Variants in ITGAD observed in about 807,000 individuals in gnomAD.
ITGAD encodes the protein integrin subunit alpha D, also known as integrin alpha-D.
In ITGAD, 105 loss-of-function variants were observed where a neutral mutation model predicts 139.0. The observed-to-expected ratio is 0.76, with a 90% CI of 0.65 to 0.89. ITGAD has a LOEUF of 0.89. Among genes scored for constraint, ITGAD ranks in the 40% least tolerant of loss-of-function variants. The pLI is 0.00. For missense variants in ITGAD, 1,384 were observed against 1,487.3 expected (o/e 0.93, Z 1.14); for synonymous variants, 569 against 598.3 (o/e 0.95, Z 0.71).
At position 31,410,393 on chromosome 16, in the gene ITGAD, A is replaced by G. The variant is rs148871894; in HGVS notation, c.1084-2A>G. 5.7e-5 allele frequency: 92 copies of G among 1,613,820 alleles called. No homozygotes were observed. The African/African-American group carries it at 1.2e-3, about 20-fold the overall frequency. ...CCCAGCCCTGGAATTCTTTCCTCCC[A>G]GGATGGCCTCTTCCTGGGGGCTGTG... On this transcript the variant is annotated splice_acceptor_variant, in intron 10 of 29. Coordinates refer to ENST00000389202, the MANE Select transcript of ITGAD (RefSeq NM_005353.3). LOFTEE classifies it high-confidence loss of function.
At chr16:31,394,130 C>CAAAAAAAA (rs943198130) in intron 1 of ITGAD, 106 bp from the exon 2 acceptor site, 18 of 417,052 alleles carry the variant, frequency 4.3e-5, no homozygotes, top group African/African-American at 1.3e-4. Flanking sequence ...GACTCCATCT[C>CAAAAAAAA]AAAAAAAAAA....
chr16:31,394,483 C>T (rs528068433), intron 2 of ITGAD, 142 bp downstream of exon 2: 3 of 583,996 alleles, frequency 5.1e-6, no homozygotes, highest in Non-Finnish European at 9.2e-6. Context: ...GAGGCCCTGA[C>T]ATCAGCACCT....
Position 31,397,844 on chromosome 16 carries a change from A to G in ITGAD, c.362A>G (p.Lys121Arg). ...HRVCGENSYS[K>R]GSCLLLGSRW... Reference sequence around the variant, plus strand: ...GTCTGTGGGGAGAACTCATACTCAAAGGGTTCCTGCCTCCTGCTGGGCTCG... The same window carrying G: ...GTCTGTGGGGAGAACTCATACTCAAGGGGTTCCTGCCTCCTGCTGGGCTCG... The change falls in exon 5 of 30, where the codon AAG becomes AGG. Residue 121 changes from lysine to arginine, a missense_variant. Coordinates refer to ENST00000389202, the MANE Select transcript of ITGAD (RefSeq NM_005353.3). 1 of 1,613,728 alleles carries G rather than the reference A, an allele frequency of 6.2e-7. No individual in the cohort carries two copies. Among genetic ancestry groups the G allele is most frequent in the African/African-American group, 1.3e-5 (1 of 75,030 alleles).
intron 2 of ITGAD, 101 bp from the exon 3 acceptor site, chr16:31,397,258 G>A (rs932537258): frequency 1.3e-6 from 1 of 748,632 alleles, no homozygotes; most frequent in Non-Finnish European, 2.3e-6. Flanking sequence ...TTCCCCCACA[G>A]AGTCTCGCTT....
rs763627641 is a variant in ITGAD, at chr16:31,426,017, T to C, written c.3375T>C (p.Leu1125=). 2.2e-5 allele frequency: 36 copies of C among 1,609,786 alleles called. No individual in the cohort carries two copies. The highest frequency in any genetic ancestry group is 3.0e-5 in the Non-Finnish European group (35 of 1,176,214). The change falls in exon 30 of 30, where the codon CTT becomes CTC. Residue 1125 remains leucine, a splice_region_variant and synonymous_variant. Transcript: ENST00000389202. ...TTCTAATTTATTTCCCCTGATAGCT[T>C]GGCTTCTTCAAACGCCACTACAAGG... ...LALITATLYK[L]GFFKRHYKEM... is the part of the protein sequence containing the mutation.
intron 23 of ITGAD, among the ~76,000 whole-genome samples, chr16:31,421,686 G>A (rs1443280286): frequency 6.6e-6 from 1 of 152,036 alleles, no homozygotes; most frequent in Non-Finnish European, 1.5e-5. Flanking sequence ...CTACAGGGAG[G>A]TTGCTACGGT....
At position 31,418,169 on chromosome 16, in the gene ITGAD, C is replaced by T. The variant is rs1567349934; in HGVS notation, c.2594C>T (p.Pro865Leu). 6.2e-7 allele frequency: 1 copy of T among 1,613,994 alleles called. No individual in the cohort carries two copies. Among genetic ancestry groups the T allele is most frequent in the Non-Finnish European group, 8.5e-7 (1 of 1,179,914 alleles). ...AGCAGCCGCTGCAGTGTCAACCACC[C>T]CATCTTCCATGAGGGCTCTAACGTC... ...LRSSRCSVNH[P>L]IFHEGSNGTF... Residue 865 changes from proline (P) to leucine (L), a missense_variant, in exon 21 of 30, where the codon CCC becomes CTC. Physicochemically the swap from Pro to Leu is moderately conservative, Grantham distance 98. Coordinates refer to ENST00000389202, the MANE Select transcript of ITGAD (RefSeq NM_005353.3).
intron 20 of ITGAD, among the ~76,000 whole-genome samples, chr16:31,417,620 A>G (rs983000305): frequency 2.0e-5 from 3 of 151,268 alleles, no homozygotes; most frequent in Admixed American, 6.6e-5. Flanking sequence ...GTATGGGTCA[A>G]TTTTCCTGGC....
Position 31,414,480 on chromosome 16 carries a change from C to T in ITGAD, c.2026C>T (p.Leu676=). ...GDIQSSVRFD[L]ALDPGRLTSR... ...CATCCAAAGCTCTGTCAGGTTTGAT[C>T]TGGCACTGGACCCAGGTCGTCTGAC... The change falls in exon 17 of 30, where the codon CTG becomes TTG. Residue 676 remains leucine, a synonymous_variant. Transcript: ENST00000389202. 6.2e-7 allele frequency: 1 copy of T among 1,614,246 alleles called. No individual in the cohort carries two copies. Among genetic ancestry groups the T allele is most frequent in the Non-Finnish European group, 8.5e-7 (1 of 1,180,040 alleles).
chr16:31,415,046 G>A, intron 18 of ITGAD, 55 bp downstream of exon 18: 1 of 1,602,302 alleles, frequency 6.2e-7, no homozygotes, highest in East Asian at 2.2e-5. Context: ...GTCTCCATGA[G>A]CTTAAGAATC....
intron 2 of ITGAD, among the ~76,000 whole-genome samples, chr16:31,395,292 C>G (rs2081237424): frequency 6.6e-6 from 1 of 152,144 alleles, no homozygotes; most frequent in South Asian, 2.1e-4. Flanking sequence ...TTTACTCCAG[C>G]CTAGGTGACA....
At chr16:31,399,217 T>C (rs1301988030) in intron 5 of ITGAD, among the ~76,000 whole-genome samples, 1 of 152,170 alleles carries the variant, frequency 6.6e-6, no homozygotes, top group East Asian at 1.9e-4. Flanking sequence ...TTCAGTTTCC[T>C]CATTGGTAAA....
chr16:31,425,449 GC>G (rs2082094306), intron 29 of ITGAD, among the ~76,000 whole-genome samples: 1 of 152,204 alleles, frequency 6.6e-6, no homozygotes, highest in Non-Finnish European at 1.5e-5. Flanking sequence ...CAGGGCATGT[GC>G]ACAGATCTGC....
chr16:31,406,045 TTA>T (rs1182082691), intron 7 of ITGAD, among the ~76,000 whole-genome samples: 4 of 152,064 alleles, frequency 2.6e-5, no homozygotes, highest in Admixed American at 1.3e-4. Flanking sequence ...TTATCTGAGT[TTA>T]TAGAGTTACA....
intron 29 of ITGAD, among the ~76,000 whole-genome samples, chr16:31,425,090 G>C (rs776770624): frequency 1.3e-5 from 2 of 151,272 alleles, no homozygotes; most frequent in Non-Finnish European, 2.9e-5. Flanking sequence ...TTTTTCTTTT[G>C]AGATGGAGTC....
intron 23 of ITGAD, among the ~76,000 whole-genome samples, chr16:31,420,959 T>A (rs1285519025): frequency 6.6e-6 from 1 of 152,194 alleles, no homozygotes; most frequent in Non-Finnish European, 1.5e-5. Flanking sequence ...AAGCCACATG[T>A]AGGTTTCCCT....
intron 18 of ITGAD, among the ~76,000 whole-genome samples, chr16:31,415,781 C>T (rs531976733): frequency 1.1e-4 from 17 of 152,320 alleles, no homozygotes; most frequent in African/African-American, 3.8e-4. Context: ...CCTGTTACAC[C>T]AAGGTGGTGC....
chr16:31,420,756 T>C (rs978287995), intron 23 of ITGAD, among the ~76,000 whole-genome samples: 2 of 152,138 alleles, frequency 1.3e-5, no homozygotes, highest in African/African-American at 4.8e-5. Context: ...GTATTTTTAG[T>C]AGAGACAGGG....
intron 12 of ITGAD, 40 bp from the exon 13 acceptor site, chr16:31,411,036 T>A: frequency 6.2e-7 from 1 of 1,609,310 alleles, no homozygotes; most frequent in Non-Finnish European, 8.5e-7. Context: ...GGGCTGCCTC[T>A]GGCTGGGACA....
Sources: gnomAD v4.1 joint callset for allele counts (sites outside exome capture counted in the v4.1 genomes callset) on GRCh38, gnomAD v4.1.1 for gene constraint, MANE v1.5 for transcripts, NCBI Gene and HGNC (gene_info 2026-07-23, HGNC 2026-07-21) for gene names.